The following PIK3C2A variants were observed in gnomAD, a reference collection of about 807,000 sequenced individuals.
PIK3C2A encodes phosphatidylinositol-4-phosphate 3-kinase catalytic subunit type 2 alpha, also known as phosphatidylinositol 4-phosphate 3-kinase C2 domain-containing subunit alpha.
Under a neutral mutation model 204.5 loss-of-function variants are expected in PIK3C2A, and 97 were observed. The ratio of observed to expected loss-of-function variants is 0.47; its 90% CI spans 0.40 to 0.56. The LOEUF is 0.56. Ranked by LOEUF, PIK3C2A falls within the 20% of genes least tolerant of loss-of-function variation. PIK3C2A has a pLI of 0.00. For missense variants in PIK3C2A, 1,735 were observed against 1,969.2 expected (o/e 0.88, Z 2.25); for synonymous variants, 653 against 664.4 (o/e 0.98, Z 0.26).
chr11:17,188,377 C>A (rs1039852858), intron 1 of PIK3C2A, among the ~76,000 whole-genome samples: 1 of 146,420 alleles, frequency 6.8e-6, no homozygotes, highest in Non-Finnish European at 1.5e-5. Context: ...GAACAGAGAA[C>A]ACACAAACAC....
chr11:17,169,292 GGAA>G lies in PIK3C2A; in HGVS notation c.447_449del (p.Ser150del). Reference sequence around the variant, plus strand: ...GATAAATAGAAGGTAAAGCATAAGTGGAAGGCCCAGGTAATCCAGGTGGCCACT... The same window carrying G: ...GATAAATAGAAGGTAAAGCATAAGTGGGCCCAGGTAATCCAGGTGGCCACT... On this transcript the variant is annotated inframe_deletion, in exon 2 of 33. Coordinates refer to ENST00000691414, the MANE Select transcript of PIK3C2A (RefSeq NM_002645.4). The G allele has an allele frequency of 1.2e-6, 2 of 1,614,142 alleles. No individual in the cohort carries two copies. The highest frequency in any genetic ancestry group is 1.7e-6 in the Non-Finnish European group (2 of 1,179,988).
chr11:17,164,628 T>G (rs1448843394), intron 2 of PIK3C2A, among the ~76,000 whole-genome samples: 5 of 152,212 alleles, frequency 3.3e-5, no homozygotes, highest in Non-Finnish European at 7.3e-5. Flanking sequence ...ATATTATTGC[T>G]TACCCAGTTT....
chr11:17,114,492 G>A, intron 19 of PIK3C2A, 27 bp from the exon 20 acceptor site: 3 of 967,626 alleles, frequency 3.1e-6, no homozygotes, highest in Non-Finnish European at 5.0e-6. Context: ...GATACTGTAA[G>A]TACATAATGA....
intron 1 of PIK3C2A, among the ~76,000 whole-genome samples, chr11:17,199,175 T>C (rs1852276441): frequency 6.7e-6 from 1 of 149,328 alleles, no homozygotes; most frequent in Non-Finnish European, 1.5e-5. Flanking sequence ...AGATACTCAA[T>C]ATCACTAGTC....
intron 1 of PIK3C2A, among the ~76,000 whole-genome samples, chr11:17,199,587 A>G (rs1048609323): frequency 2.0e-4 from 30 of 152,378 alleles, no homozygotes; most frequent in African/African-American, 7.0e-4. Flanking sequence ...GTCAGACACA[A>G]AAGGCTAAAT....
intron 14 of PIK3C2A, 135 bp from the exon 15 acceptor site, chr11:17,122,468 T>C: frequency 1.5e-6 from 1 of 649,828 alleles, no homozygotes. Context: ...TGCTTCTTGT[T>C]GCAATTGATT....
intron 8 of PIK3C2A, 82 bp from the exon 9 acceptor site, chr11:17,136,707 T>C (rs989353031): frequency 1.5e-6 from 1 of 686,292 alleles, no homozygotes; most frequent in African/African-American, 1.8e-5. Context: ...AAACTAGATA[T>C]CTTAGATATC....
Position 17,105,313 on chromosome 11 carries a change from G to T in PIK3C2A, c.3545-8C>A. ...GAACCAGCTCCACCATGCCTTTAATGATAAAATATTAAGCTATGTAAAACT... is the reference window on the plus strand; with the variant it reads ...GAACCAGCTCCACCATGCCTTTAATTATAAAATATTAAGCTATGTAAAACT... On this transcript the variant is annotated splice_polypyrimidine_tract_variant and splice_region_variant and intron_variant, in intron 22 of 32. Coordinates refer to ENST00000691414, the MANE Select transcript of PIK3C2A (RefSeq NM_002645.4). The T allele has an allele frequency of 6.3e-7, 1 of 1,599,488 alleles. No homozygotes were observed. The highest frequency in any genetic ancestry group is 1.1e-5 in the South Asian group (1 of 88,586).
At chr11:17,116,201 CAA>C (rs1849184413) in intron 19 of PIK3C2A, among the ~76,000 whole-genome samples, 2 of 152,002 alleles carry the variant, frequency 1.3e-5, no homozygotes, top group African/African-American at 4.8e-5. Flanking sequence ...AACTCAACAA[CAA>C]AAAAGACATT....
chr11:17,178,105 A>AAAG (rs1408251511), intron 1 of PIK3C2A, among the ~76,000 whole-genome samples: 15 of 96,024 alleles, frequency 1.6e-4, no homozygotes, highest in East Asian at 5.9e-4. Context: ...AAAAAAAAAA[A>AAAG]AAAAAAAGAA....
chr11:17,189,587 T>C (rs964082431), intron 1 of PIK3C2A, among the ~76,000 whole-genome samples: 2 of 131,642 alleles, frequency 1.5e-5, no homozygotes, highest in African/African-American at 8.2e-5. Context: ...TTGTTTTTAG[T>C]ATATTTTTAG....
chr11:17,122,390 CTCTTTG>C (rs1323453458), intron 14 of PIK3C2A, 57 bp from the exon 15 acceptor site: 3 of 1,067,150 alleles, frequency 2.8e-6, no homozygotes, highest in South Asian at 1.4e-5. Context: ...CCACATTAAC[CTCTTTG>C]TCTTTAAGAA....
intron 13 of PIK3C2A, among the ~76,000 whole-genome samples, chr11:17,125,001 T>C (rs189323510): frequency 1.3e-5 from 2 of 152,350 alleles, no homozygotes; most frequent in African/African-American, 4.8e-5. Context: ...GCAGTTGGTA[T>C]TGTATACTAC....
intron 1 of PIK3C2A, among the ~76,000 whole-genome samples, chr11:17,203,933 G>T (rs1852471128): frequency 6.6e-6 from 1 of 152,180 alleles, no homozygotes; most frequent in African/African-American, 2.4e-5. Context: ...AATTAGCTGG[G>T]CGTGGTGGCG....
At chr11:17,160,906 A>G (rs150956601) in intron 2 of PIK3C2A, among the ~76,000 whole-genome samples, 1 of 152,312 alleles carries the variant, frequency 6.6e-6, no homozygotes, top group East Asian at 1.9e-4. Flanking sequence ...CAAAAAAAAC[A>G]GTTAAGTTTT....
intron 1 of PIK3C2A, among the ~76,000 whole-genome samples, chr11:17,202,026 C>T (rs369246283): frequency 6.6e-6 from 1 of 151,944 alleles, no homozygotes; most frequent in East Asian, 1.9e-4. Context: ...GAGGCAGAGG[C>T]GGGCAGATCG....
intron 20 of PIK3C2A, 60 bp downstream of exon 20, chr11:17,114,300 AT>A: frequency 1.1e-6 from 1 of 894,168 alleles, no homozygotes; most frequent in Non-Finnish European, 1.9e-6. Context: ...ATACCTGCCC[AT>A]TTGCCTTCTT....
At position 17,091,441 on chromosome 11, in the gene PIK3C2A, C is replaced by A. The variant is rs1176956529; in HGVS notation, c.4771G>T (p.Asp1591Tyr). ...IKDLVTEDGA[D>Y]PNPYVKTYLL... ...TATGTTTTGACATATGGATTTGGGTCAGCTCCATCTTCAGTAACCTAAAAA... is the reference window on the plus strand; with the variant it reads ...TATGTTTTGACATATGGATTTGGGTAAGCTCCATCTTCAGTAACCTAAAAA... Residue 1591 changes from aspartate to tyrosine, a missense_variant, in exon 32 of 33, where the codon GAC (aspartate) becomes TAC (tyrosine). This residue lies in a region of PIK3C2A where 503 missense variants were observed against 669.0 expected (regional missense o/e 0.75). Coordinates refer to ENST00000691414, the MANE Select transcript of PIK3C2A (RefSeq NM_002645.4). The A allele has an allele frequency of 1.2e-6, 2 of 1,613,274 alleles. No individual in the cohort carries two copies. Among genetic ancestry groups the A allele is most frequent in the Non-Finnish European group, 1.7e-6 (2 of 1,179,850 alleles).
intron 1 of PIK3C2A, among the ~76,000 whole-genome samples, chr11:17,184,810 G>A (rs1358050621): frequency 1.3e-5 from 2 of 152,070 alleles, no homozygotes; most frequent in Non-Finnish European, 2.9e-5. Flanking sequence ...GAGTGTGGTG[G>A]CACACACCTA....
Sources: allele counts gnomAD v4.1 joint callset (sites outside exome capture counted in the v4.1 genomes callset), GRCh38; gene constraint gnomAD v4.1.1; regional missense constraint gnomAD v4.1.1; transcripts MANE v1.5; gene names NCBI Gene and HGNC (gene_info 2026-07-23, HGNC 2026-07-21).